The following KIAA1671 variants were observed in gnomAD, a reference collection of about 807,000 sequenced individuals.
KIAA1671 encodes KIAA1671.
In KIAA1671, 52 loss-of-function variants were observed where a neutral mutation model predicts 131.2. That is an observed-to-expected ratio of 0.40 (90% CI 0.32 to 0.50). The LOEUF (loss-of-function observed/expected upper bound fraction) is 0.50, where lower values mean the gene tolerates loss of function less well. KIAA1671 is among the 20% of genes least tolerant of loss of function. KIAA1671 has a pLI of 0.73. For missense variants in KIAA1671, 2,360 were observed against 2,364.2 expected (o/e 1.00, Z 0.04); for synonymous variants, 1,003 against 961.6 (o/e 1.04, Z -0.80).
intron 6 of KIAA1671, among the ~76,000 whole-genome samples, chr22:25,146,811 G>A (rs1374863647): frequency 1.3e-5 from 2 of 152,344 alleles, no homozygotes; most frequent in African/African-American, 2.4e-5. Context: ...CCCAATCAGT[G>A]TTTAAAAACA....
rs148040821 is a variant in KIAA1671, at chr22:25,194,188, C to A, written c.*1787C>A. 6.6e-6 allele frequency: 1 copy of A among 152,256 alleles called. No individual in the cohort carries two copies. The highest frequency in any genetic ancestry group is 1.5e-5 in the Non-Finnish European group (1 of 68,112). 9.4% of individuals were successfully genotyped at this position (152,256 alleles called of 1,614,324 possible). A position where few individuals can be genotyped will look rare whatever the true frequency, so the allele number is the denominator to read the frequency against. ...ACCTGGGCTCAAGTGATTCTCCCAC[C>A]TCAGCCTCCCAAGTAGCTGGGACTA... On this transcript the variant is annotated 3_prime_UTR_variant, in exon 13 of 13. Coordinates refer to ENST00000358431, the MANE Select transcript of KIAA1671 (RefSeq NM_001145206.2).
chr22:24,965,953 TTTATAGGATCCTCATAAC>T (rs1922284103), intron 1 of KIAA1671, among the ~76,000 whole-genome samples: 1 of 152,172 alleles, frequency 6.6e-6, no homozygotes, highest in Non-Finnish European at 1.5e-5. Context: ...ATTTTGTGTG[TTTATAGGATCCTCATAAC>T]AACCTATGAA....
intron 10 of KIAA1671, among the ~76,000 whole-genome samples, chr22:25,182,144 A>G (rs1244636283): frequency 6.6e-6 from 1 of 151,344 alleles, no homozygotes; most frequent in Non-Finnish European, 1.5e-5. Context: ...GCGCCACGGC[A>G]CTCCAGCCTG....
intron 6 of KIAA1671, among the ~76,000 whole-genome samples, chr22:25,117,305 G>T (rs1931713383): frequency 6.6e-6 from 1 of 152,074 alleles, no homozygotes; most frequent in Non-Finnish European, 1.5e-5. Flanking sequence ...AGCTGCCCCT[G>T]TGGGGTATAG....
At chr22:25,089,208 G>T (rs1601300027) in intron 6 of KIAA1671, among the ~76,000 whole-genome samples, 1 of 151,842 alleles carries the variant, frequency 6.6e-6, no homozygotes, top group South Asian at 2.1e-4. Context: ...ATGTATCTGT[G>T]GGGGTCCTGG....
At chr22:24,962,128 G>A (rs910536010) in intron 1 of KIAA1671, among the ~76,000 whole-genome samples, 1 of 152,190 alleles carries the variant, frequency 6.6e-6, no homozygotes, top group African/African-American at 2.4e-5. Context: ...GCTGGAGCTG[G>A]CTTACAATCC....
chr22:25,091,313 C>T (rs1391124431), intron 6 of KIAA1671, among the ~76,000 whole-genome samples: 18 of 152,152 alleles, frequency 1.2e-4, no homozygotes. Context: ...CCACCTTGGC[C>T]TCCCAAAATG....
chr22:25,185,032 C>T lies in KIAA1671; in HGVS notation c.5255C>T (p.Ala1752Val). The T allele has an allele frequency of 6.4e-7, 1 of 1,551,624 alleles. No individual in the cohort carries two copies. Among genetic ancestry groups the T allele is most frequent in the Non-Finnish European group, 8.7e-7 (1 of 1,146,976 alleles). ...AGTCCTGGCGAGACCCCCAGCTGGGCACCCCAACCCAAGAGCCCCAAGTCC... is the reference window on the plus strand; with the variant it reads ...AGTCCTGGCGAGACCCCCAGCTGGGTACCCCAACCCAAGAGCCCCAAGTCC... ...VDSPGETPSW[A>V]PQPKSPKSPF... Residue 1752 changes from alanine (A) to valine (V), a missense_variant, in exon 11 of 13, where the codon GCA becomes GTA. Ala to Val is a moderately conservative substitution (Grantham distance 64, BLOSUM62 0). This residue lies in a region of KIAA1671 where 1,161 missense variants were observed against 1,204.7 expected (regional missense o/e 0.96). Coordinates refer to ENST00000358431, the MANE Select transcript of KIAA1671 (RefSeq NM_001145206.2).
intron 6 of KIAA1671, 76 bp downstream of exon 6, chr22:25,049,440 G>A: frequency 1.3e-6 from 2 of 1,481,660 alleles, no homozygotes; most frequent in Non-Finnish European, 9.1e-7. Context: ...TGTGGTTGGT[G>A]GAGCATCTGG....
intron 6 of KIAA1671, among the ~76,000 whole-genome samples, chr22:25,156,441 ATG>A (rs1449268614): frequency 2.0e-5 from 3 of 151,370 alleles, no homozygotes; most frequent in Admixed American, 6.6e-5. Flanking sequence ...ATGTGTGCAT[ATG>A]TGTTTGTGTT....
intron 6 of KIAA1671, chr22:25,051,392 CTAAA>C (rs1280566782): frequency 1.3e-5 from 2 of 152,208 alleles, no homozygotes; most frequent in African/African-American, 4.8e-5. Context: ...ATGGACGTCA[CTAAA>C]TATCAGTTTT....
Position 25,029,005 on chromosome 22 carries a change from C to G in KIAA1671, c.1006C>G (p.Pro336Ala). Residue 336 changes from proline (P) to alanine (A), a missense_variant, in exon 3 of 13, where the codon CCT becomes GCT. Pro to Ala is a conservative substitution (Grantham distance 27, BLOSUM62 -1). Transcript: ENST00000358431. ...GGACTGTTTGGTCAAGGCGGAGGCT[C>G]CTCTTCATGATCCTGATTTGGACTT... ...DRDCLVKAEA[P>A]LHDPDLDFLE... is the part of the protein sequence containing the mutation. 6.6e-7 allele frequency: 1 copy of G among 1,510,254 alleles called. No homozygotes were observed. The highest frequency in any genetic ancestry group is 8.9e-7 in the Non-Finnish European group (1 of 1,128,572). The allele number at this position is 1,510,254 out of a possible 1,614,324, so 93.6% of individuals were successfully genotyped here.
At chr22:25,093,820 C>G (rs1568951487) in intron 6 of KIAA1671, among the ~76,000 whole-genome samples, 21 of 100,642 alleles carry the variant, frequency 2.1e-4, no homozygotes, top group East Asian at 1.3e-3. Flanking sequence ...CTGTCTCTCT[C>G]TCTTTCTCTC....
intron 6 of KIAA1671, among the ~76,000 whole-genome samples, chr22:25,147,316 C>T (rs1932900430): frequency 6.6e-6 from 1 of 151,976 alleles, no homozygotes; most frequent in Non-Finnish European, 1.5e-5. Context: ...CCTCAGCCTC[C>T]TGAGTAGCTG....
intron 1 of KIAA1671, among the ~76,000 whole-genome samples, chr22:24,994,656 G>C (rs547549337): frequency 6.6e-6 from 1 of 152,112 alleles, no homozygotes; most frequent in Non-Finnish European, 1.5e-5. Flanking sequence ...GTGAACCAGC[G>C]CATGAGGTCA....
rs554020727 is a variant in KIAA1671 at position 25,188,816 on chromosome 22, G to C, written c.5343-1886G>C. The stretch of plus-strand genomic sequence containing the variant: ...TTGTTTTCCCATTGAGTAGGCTGAG[G>C]GGGAGGTGGAAGAGGAGGGATTGGT... On this transcript the variant is annotated intron_variant, in intron 11 of 12. Coordinates refer to ENST00000358431, the MANE Select transcript of KIAA1671 (RefSeq NM_001145206.2). Among the ~76,000 whole-genome samples the C allele has an allele frequency of 9.2e-5, 14 of 152,296 alleles. 1 individual carries two copies. The South Asian group carries it at 2.9e-3, about 32-fold the overall frequency.
chr22:25,187,280 A>C (rs1934506932), intron 11 of KIAA1671, among the ~76,000 whole-genome samples: 1 of 152,226 alleles, frequency 6.6e-6, no homozygotes, highest in Non-Finnish European at 1.5e-5. Context: ...CAAAAAGAAT[A>C]CAAAGGGGAA....
Position 25,049,233 on chromosome 22 carries a change from C to G in KIAA1671, c.4399C>G (p.Leu1467Val). ...TTTCTTGTGCTCTGTGTTTCAGGTG[C>G]TGCCACGGGACCTGGAGAAGGAGGA... ...ESGTGDSHKV[L>V]PRDLEKEDAP... Residue 1467 changes from leucine (L) to valine (V), a missense_variant, in exon 6 of 13, where the codon CTG becomes GTG. By Grantham distance (32) the Leu-to-Val change is conservative (BLOSUM62 1). This residue lies in a region of KIAA1671 where 1,161 missense variants were observed against 1,204.7 expected (regional missense o/e 0.96). Coordinates refer to ENST00000358431, the MANE Select transcript of KIAA1671 (RefSeq NM_001145206.2). 6.4e-7 allele frequency: 1 copy of G among 1,551,802 alleles called. No homozygotes were observed. The highest frequency in any genetic ancestry group is 1.2e-5 in the South Asian group (1 of 84,042).
chr22:25,147,271 C>T (rs192570180), intron 6 of KIAA1671, among the ~76,000 whole-genome samples: 123 of 151,930 alleles, frequency 8.1e-4, no homozygotes, highest in Middle Eastern at 3.4e-3. Context: ...TGGCTCACTG[C>T]AACTTCCACC....
Sources: allele counts gnomAD v4.1 joint callset (sites outside exome capture counted in the v4.1 genomes callset), GRCh38; gene constraint gnomAD v4.1.1; regional missense constraint gnomAD v4.1.1; transcripts MANE v1.5; gene names NCBI Gene and HGNC (gene_info 2026-07-23, HGNC 2026-07-21).